Variants in SORCS2 observed in about 807,000 individuals in gnomAD.
SORCS2 encodes the protein VPS10 domain-containing receptor SorCS2.
In SORCS2, 100 loss-of-function variants were observed where a neutral mutation model predicts 141.6. The ratio of observed to expected loss-of-function variants is 0.71; its 90% confidence interval spans 0.60 to 0.83. The LOEUF (loss-of-function observed/expected upper bound fraction) is 0.83, where lower values mean the gene tolerates loss of function less well. SORCS2 is among the 40% of genes least tolerant of loss of function. SORCS2 has a pLI of 0.00. For missense variants in SORCS2, 1,646 were observed against 1,560.2 expected (o/e 1.05, Z -0.93); for synonymous variants, 789 against 676.9 (o/e 1.17, Z -2.57).
Position 7,383,539 on chromosome 4 carries a change from A to G in SORCS2, c.481-12749A>G, listed in dbSNP as rs186119397. ...AGGGGGAGAGCATTGGAGCCTGGGG[A>G]GGGATTTCTGCTTTAAAAACAGGAT... is the stretch of plus-strand genomic sequence containing the variant. On this transcript the variant is annotated intron_variant, in intron 1 of 26. Coordinates refer to ENST00000507866, the MANE Select transcript of SORCS2 (RefSeq NM_020777.3). Among the ~76,000 whole-genome samples, 1,003 of 152,296 alleles carry G rather than the reference A, an allele frequency of 6.6e-3. 8 individuals are homozygous for G. Among genetic ancestry groups the G allele is most frequent in the Middle Eastern group, 0.024 (7 of 294 alleles).
chr4:7,714,342 G>T lies in SORCS2; in HGVS notation c.2092G>T (p.Val698Leu). The T allele has an allele frequency of 6.4e-7, 1 of 1,564,376 alleles. No individual in the cohort carries two copies. The highest frequency in any genetic ancestry group is 8.7e-7 in the Non-Finnish European group (1 of 1,154,340). Residue 698 changes from valine to leucine, a missense_variant, in exon 16 of 27, where the codon GTG becomes TTG. Val to Leu is a conservative substitution (Grantham distance 32, BLOSUM62 1). Transcript: ENST00000507866. ...RSFTSALTSR[V>L]CECRDSDFLC... ...CTTCACGTCGGCGCTCACGTCCCGC[G>T]TGTGCGAGTGCCGGGACTCGGACTT...
At chr4:7,724,630 G>A (rs1473926279) in intron 19 of SORCS2, among the ~76,000 whole-genome samples, 2 of 129,494 alleles carry the variant, frequency 1.5e-5, no homozygotes, top group African/African-American at 2.9e-5. Flanking sequence ...GATGGTGATG[G>A]TGGTGATGGT....
chr4:7,451,275 T>TCAG (rs1208142197), intron 2 of SORCS2, among the ~76,000 whole-genome samples: 22 of 152,312 alleles, frequency 1.4e-4, no homozygotes, highest in East Asian at 5.8e-4. Flanking sequence ...GCCTAGGTCT[T>TCAG]CAGCAGCAGC....
intron 3 of SORCS2, among the ~76,000 whole-genome samples, chr4:7,585,800 A>C (rs1716499601): frequency 6.6e-6 from 1 of 152,220 alleles, no homozygotes; most frequent in Admixed American, 6.5e-5. Flanking sequence ...CCTTGCCCCT[A>C]GGATTTTCCT....
intron 3 of SORCS2, among the ~76,000 whole-genome samples, chr4:7,611,878 A>G (rs1356338315): frequency 6.6e-6 from 1 of 152,250 alleles, no homozygotes; most frequent in African/African-American, 2.4e-5. Context: ...GGTCCTCTCC[A>G]GACAGGCTTG....
Position 7,362,221 on chromosome 4 carries a change from A to C in SORCS2, c.481-34067A>C, listed in dbSNP as rs187815143. 4.4e-3 allele frequency among the ~76,000 whole-genome samples: 676 copies of C among 152,222 alleles called. 18 individuals carry two copies. Among genetic ancestry groups the C allele is most frequent in the Admixed American group, 0.039 (595 of 15,298 alleles). The stretch of plus-strand genomic sequence containing the variant: ...TGTATTCCAAATATCCATAGCCGCC[A>C]GTCGTCCTCTGAATGCCTAAGCCAG... On this transcript the variant is annotated intron_variant, in intron 1 of 26. Coordinates refer to ENST00000507866, the MANE Select transcript of SORCS2 (RefSeq NM_020777.3).
intron 1 of SORCS2, among the ~76,000 whole-genome samples, chr4:7,359,429 T>C (rs1042569472): frequency 1.2e-4 from 18 of 152,228 alleles, no homozygotes; most frequent in African/African-American, 3.6e-4. Flanking sequence ...CCAACGTGCC[T>C]GGCCCAAGTA....
chr4:7,650,003 C>T lies in SORCS2; in HGVS notation c.814-4131C>T, dbSNP rs376295834. 5.3e-5 allele frequency among the ~76,000 whole-genome samples: 8 copies of T among 152,232 alleles called. No individual in the cohort carries two copies. The East Asian group carries it at 1.2e-3, about 22-fold the overall frequency. On this transcript the variant is annotated intron_variant, in intron 4 of 26. Transcript: ENST00000507866. The stretch of plus-strand genomic sequence containing the variant: ...CGGCTATTAGTGTGAATGATGTGCC[C>T]GTTATGCAGATGAAGAATTTGGGTT...
intron 1 of SORCS2, among the ~76,000 whole-genome samples, chr4:7,232,949 T>A (rs1200801166): frequency 6.6e-6 from 1 of 152,168 alleles, no homozygotes; most frequent in Admixed American, 6.5e-5. Flanking sequence ...TGCTGCACTG[T>A]CAGAGACAAG....
At chr4:7,494,917 G>A (rs1213133859) in intron 2 of SORCS2, among the ~76,000 whole-genome samples, 3 of 152,208 alleles carry the variant, frequency 2.0e-5, no homozygotes, top group Non-Finnish European at 2.9e-5. Context: ...GAAGGTGCTG[G>A]TGCCCACAGC....
chr4:7,565,396 TATGAAG>T (rs1422945869), intron 3 of SORCS2, among the ~76,000 whole-genome samples: 1 of 152,086 alleles, frequency 6.6e-6, no homozygotes, highest in Non-Finnish European at 1.5e-5. Context: ...TGATTAGAAT[TATGAAG>T]ATGAAGATGA....
chr4:7,465,834 G>A (rs546698425), intron 2 of SORCS2, among the ~76,000 whole-genome samples: 1 of 152,270 alleles, frequency 6.6e-6, no homozygotes, highest in South Asian at 2.1e-4. Context: ...TTTAGTGGGG[G>A]GCTAAGTGTT....
At chr4:7,303,930 G>C (rs550144078) in intron 1 of SORCS2, among the ~76,000 whole-genome samples, 1 of 152,242 alleles carries the variant, frequency 6.6e-6, no homozygotes, top group Admixed American at 6.5e-5. Context: ...GGGTCACCAC[G>C]GCTGTGTGCC....
intron 2 of SORCS2, among the ~76,000 whole-genome samples, chr4:7,427,874 G>A (rs1726564964): frequency 6.7e-6 from 1 of 150,334 alleles, no homozygotes; most frequent in Admixed American, 6.6e-5. Flanking sequence ...AGGCCCGACT[G>A]CAACGCTGGG....
At chr4:7,609,599 A>T (rs1044331697) in intron 3 of SORCS2, among the ~76,000 whole-genome samples, 2 of 152,264 alleles carry the variant, frequency 1.3e-5, no homozygotes, top group African/African-American at 4.8e-5. Context: ...GGCAGGGAAC[A>T]CGTCCTGCTC....
intron 3 of SORCS2, among the ~76,000 whole-genome samples, chr4:7,534,080 T>C (rs1318799054): frequency 1.3e-5 from 2 of 152,200 alleles, no homozygotes; most frequent in African/African-American, 2.4e-5. Flanking sequence ...ACATTTAGCC[T>C]AGAAATATCA....
intron 3 of SORCS2, among the ~76,000 whole-genome samples, chr4:7,583,914 C>G (rs1242295359): frequency 6.6e-6 from 1 of 152,174 alleles, no homozygotes; most frequent in Non-Finnish European, 1.5e-5. Flanking sequence ...GTCAGGAAGA[C>G]CAGAGTCCTG....
intron 1 of SORCS2, among the ~76,000 whole-genome samples, chr4:7,267,433 C>T (rs928066042): frequency 6.6e-6 from 1 of 152,124 alleles, no homozygotes; most frequent in African/African-American, 2.4e-5. Flanking sequence ...CCTACCCAAG[C>T]AGGCTGGGGC....
rs539677265 is a variant in SORCS2 at position 7,633,683 on chromosome 4, CG to C, written c.649-4644del. 2.2e-3 allele frequency among the ~76,000 whole-genome samples: 331 copies of C among 152,304 alleles called. 3 individuals are homozygous for C. Among genetic ancestry groups the C allele is most frequent in the Admixed American group, 0.021 (322 of 15,300 alleles). ...TTGCTCTCCAGGCTACTTAAATGTT[CG>C]TAAGGTTGTTTTCCTCCCAGAGGTG... On this transcript the variant is annotated intron_variant, in intron 3 of 26. Coordinates refer to ENST00000507866, the MANE Select transcript of SORCS2 (RefSeq NM_020777.3).
Sources: allele counts gnomAD v4.1 joint callset (sites outside exome capture counted in the v4.1 genomes callset), GRCh38; gene constraint gnomAD v4.1.1; transcripts MANE v1.5; gene names NCBI Gene and HGNC (gene_info 2026-07-23, HGNC 2026-07-21).